TLL2: variants seen among roughly 807,000 people sequenced by gnomAD.
TLL2 encodes the protein tolloid-like protein 2.
TLL2 carries 106 observed loss-of-function variants against 123.0 expected under a neutral mutation model. The observed-to-expected ratio is 0.86, with a 90% CI of 0.74 to 1.01. The LOEUF (loss-of-function observed/expected upper bound fraction) is 1.01, where lower values mean the gene tolerates loss of function less well. TLL2 is among the 50% of genes least tolerant of loss of function. TLL2 has a pLI of 0.00. For missense variants in TLL2, 1,332 were observed against 1,336.7 expected (o/e 1.00, Z 0.06); for synonymous variants, 494 against 516.8 (o/e 0.96, Z 0.60).
chr10:96,438,512 AT>A (rs1846819754), intron 3 of TLL2, among the ~76,000 whole-genome samples: 2 of 152,212 alleles, frequency 1.3e-5, no homozygotes, highest in Non-Finnish European at 2.9e-5. Context: ...TGTTGAACTC[AT>A]TGATTGGTTC....
At chr10:96,456,491 T>TC (rs965156355) in intron 2 of TLL2, among the ~76,000 whole-genome samples, 18 of 152,066 alleles carry the variant, frequency 1.2e-4, no homozygotes, top group Admixed American at 9.2e-4. Context: ...GCTCTCTGCC[T>TC]CCCCAGGGTA....
At chr10:96,446,692 T>C (rs753408909) in intron 2 of TLL2, among the ~76,000 whole-genome samples, 18 of 152,216 alleles carry the variant, frequency 1.2e-4, no homozygotes, top group African/African-American at 3.1e-4. Context: ...AGGAACCTAC[T>C]GTGTTGACCT....
rs200330517 is a variant in TLL2, at chr10:96,373,604, T to C, written c.2654A>G (p.His885Arg). Residue 885 changes from histidine (H) to arginine (R), a missense_variant, in exon 19 of 21, where the codon CAC becomes CGC. Physicochemically the swap from His to Arg is conservative, Grantham distance 29 (BLOSUM62 0). Transcript: ENST00000357947. ...TGTCCCACCCCAGGTACCTGTGCTG[T>C]GCACTGCCTGGAAGCCTTTCCTCTG... ...SVQRKGFQAV[H>R]STECGGRLKA... The C allele has an allele frequency of 1.1e-5, 18 of 1,614,036 alleles. No individual in the cohort carries two copies. Among genetic ancestry groups the C allele is most frequent in the Non-Finnish European group, 1.4e-5 (17 of 1,179,974 alleles).
intron 2 of TLL2, among the ~76,000 whole-genome samples, chr10:96,475,703 A>T (rs1437098253): frequency 6.6e-6 from 1 of 152,170 alleles, no homozygotes; most frequent in Non-Finnish European, 1.5e-5. Context: ...CAGGGACCTC[A>T]GACCTCTCCC....
At chr10:96,443,051 T>C (rs560321804) in intron 3 of TLL2, among the ~76,000 whole-genome samples, 15 of 152,212 alleles carry the variant, frequency 9.9e-5, no homozygotes, top group Admixed American at 2.0e-4. Context: ...ACTGTCCAAG[T>C]TTATAGTTGG....
At chr10:96,467,674 A>G (rs1334313285) in intron 2 of TLL2, among the ~76,000 whole-genome samples, 2 of 152,240 alleles carry the variant, frequency 1.3e-5, no homozygotes, top group East Asian at 1.9e-4. Flanking sequence ...AGTAGGGTTT[A>G]TTTCATTTCA....
intron 19 of TLL2, among the ~76,000 whole-genome samples, chr10:96,372,873 C>T (rs940301537): frequency 5.9e-5 from 9 of 151,972 alleles, no homozygotes; most frequent in African/African-American, 1.2e-4. Context: ...TTGTAGAGAT[C>T]GGGGGGTGGT....
chr10:96,404,494 T>C (rs1168908235), intron 10 of TLL2, among the ~76,000 whole-genome samples: 1 of 152,194 alleles, frequency 6.6e-6, no homozygotes, highest in Non-Finnish European at 1.5e-5. Context: ...TATGTATATT[T>C]ATAATTTTAC....
intron 1 of TLL2, among the ~76,000 whole-genome samples, chr10:96,487,329 A>T (rs972273835): frequency 2.0e-5 from 3 of 151,452 alleles, no homozygotes; most frequent in Non-Finnish European, 4.4e-5. Flanking sequence ...TCCCTCCCCC[A>T]CCTGTCCTCA....
chr10:96,388,351 A>G (rs1022305474), intron 13 of TLL2, among the ~76,000 whole-genome samples: 1 of 152,310 alleles, frequency 6.6e-6, no homozygotes, highest in Middle Eastern at 3.4e-3. Flanking sequence ...CAGTGAGCTG[A>G]GATTGCGCCA....
intron 7 of TLL2, among the ~76,000 whole-genome samples, chr10:96,419,948 A>G (rs1846602607): frequency 6.6e-6 from 1 of 152,222 alleles, no homozygotes; most frequent in Non-Finnish European, 1.5e-5. Flanking sequence ...AACTCTAACC[A>G]AGTGTACATG....
intron 11 of TLL2, among the ~76,000 whole-genome samples, chr10:96,396,529 G>A (rs1488403938): frequency 7.0e-6 from 1 of 142,284 alleles, no homozygotes; most frequent in Non-Finnish European, 1.5e-5. Flanking sequence ...AAGGACCCTT[G>A]GTAATGTAAG....
chr10:96,451,059 G>A (rs1846954325), intron 2 of TLL2, among the ~76,000 whole-genome samples: 1 of 152,190 alleles, frequency 6.6e-6, no homozygotes, highest in Admixed American at 6.5e-5. Flanking sequence ...GCCTGTTCAA[G>A]CTCTCACTGA....
At chr10:96,458,641 C>T (rs1325550123) in intron 2 of TLL2, among the ~76,000 whole-genome samples, 5 of 140,432 alleles carry the variant, frequency 3.6e-5, no homozygotes, top group South Asian at 2.3e-4. Context: ...CGTGGTGGCT[C>T]ACACCTGTAG....
At chr10:96,386,875 T>C in intron 14 of TLL2, 78 bp downstream of exon 14, 1 of 1,585,658 alleles carries the variant, frequency 6.3e-7, no homozygotes, top group East Asian at 2.3e-5. Flanking sequence ...GCCAGCTGGT[T>C]GCCCCATCTC....
In TLL2 at chr10:96,366,708, C is replaced by T. The variant is rs1275372251; in HGVS notation, c.*1380G>A. On this transcript the variant is annotated 3_prime_UTR_variant, in exon 21 of 21. Coordinates refer to ENST00000357947, the MANE Select transcript of TLL2 (RefSeq NM_012465.4). Reference sequence around the variant, plus strand: ...GCATGGGAGCTATCTTGGCTCTAACCAAAAACACTCATGTGCCGCCCTGCG... The same window carrying T: ...GCATGGGAGCTATCTTGGCTCTAACTAAAAACACTCATGTGCCGCCCTGCG... 6.6e-6 allele frequency: 1 copy of T among 152,474 alleles called. No homozygotes were observed. Among genetic ancestry groups the T allele is most frequent in the African/African-American group, 2.4e-5 (1 of 41,448 alleles). 9.4% of individuals were successfully genotyped at this position (152,474 alleles called of 1,614,324 possible). A position where few individuals can be genotyped will look rare whatever the true frequency, so the allele number is the denominator to read the frequency against.
chr10:96,368,247 A>T (rs1254619278), intron 20 of TLL2, 25 bp from the exon 21 acceptor site: 1 of 1,611,764 alleles, frequency 6.2e-7, no homozygotes, highest in Non-Finnish European at 8.5e-7. Context: ...AAGGGAAACG[A>T]GAAGGACTTT....
At chr10:96,491,685 G>C (rs181335067) in intron 1 of TLL2, among the ~76,000 whole-genome samples, 1 of 152,292 alleles carries the variant, frequency 6.6e-6, no homozygotes, top group East Asian at 1.9e-4. Flanking sequence ...TTAAAGACAC[G>C]CTTTCTAATG....
At chr10:96,477,339 A>C (rs1457511011) in intron 2 of TLL2, among the ~76,000 whole-genome samples, 1 of 120,934 alleles carries the variant, frequency 8.3e-6, no homozygotes, top group Non-Finnish European at 1.7e-5. Context: ...CACTTGTTTT[A>C]ATTTTAATTT....
Sources: allele counts gnomAD v4.1 joint callset (sites outside exome capture counted in the v4.1 genomes callset), GRCh38; gene constraint gnomAD v4.1.1; transcripts MANE v1.5; gene names NCBI Gene and HGNC (gene_info 2026-07-23, HGNC 2026-07-21).